The following ALDH1L1 variants were observed in gnomAD, a reference collection of about 807,000 sequenced individuals.
The protein encoded by ALDH1L1 is aldehyde dehydrogenase 1 family member L1.
In ALDH1L1, 68 loss-of-function variants were observed where a neutral mutation model predicts 101.1. The observed-to-expected ratio is 0.67, with a 90% CI of 0.55 to 0.82. The LOEUF (loss-of-function observed/expected upper bound fraction) is 0.82, where lower values mean the gene tolerates loss of function less well. Among genes scored for constraint, ALDH1L1 ranks in the 40% least tolerant of loss-of-function variants. ALDH1L1 has a pLI of 0.00. For synonymous variants in ALDH1L1, 486 were observed against 470.8 expected, an observed-to-expected ratio of 1.03 and a Z score of -0.42; for missense variants, 1,087 against 1,172.7, an observed-to-expected ratio of 0.93 and a Z score of 1.07.
intron 16 of ALDH1L1, among the ~76,000 whole-genome samples, chr3:126,119,598 G>C (rs1242154723): frequency 6.6e-5 from 10 of 152,170 alleles, no homozygotes; most frequent in Non-Finnish European, 1.2e-4. Flanking sequence ...CAGTTTGGCA[G>C]GTTTGGAATA....
chr3:126,165,069 G>C (rs186699951), intron 1 of ALDH1L1, among the ~76,000 whole-genome samples: 7 of 152,046 alleles, frequency 4.6e-5, no homozygotes, highest in Non-Finnish European at 1.0e-4. Flanking sequence ...GTTTTTTTGG[G>C]AAGTGTCTGT....
chr3:126,136,618 G>T, intron 11 of ALDH1L1, 146 bp downstream of exon 11: 1 of 1,342,592 alleles, frequency 7.4e-7, no homozygotes, highest in Non-Finnish European at 1.0e-6. Context: ...GGCTGGAAAC[G>T]ACCTGGCATT....
intron 4 of ALDH1L1, among the ~76,000 whole-genome samples, chr3:126,157,086 C>T (rs990114286): frequency 3.9e-5 from 6 of 152,224 alleles, no homozygotes; most frequent in South Asian, 2.1e-4. Flanking sequence ...GTCTATTGAA[C>T]GGGCCCCAAA....
At chr3:126,106,149 C>T (rs561248921) in intron 21 of ALDH1L1, among the ~76,000 whole-genome samples, 35 of 152,332 alleles carry the variant, frequency 2.3e-4, no homozygotes, top group South Asian at 2.1e-4. Flanking sequence ...CCTGGATCAT[C>T]GGGTGAGCCC....
At chr3:126,117,061 T>C (rs961256855) in intron 17 of ALDH1L1, among the ~76,000 whole-genome samples, 1 of 151,768 alleles carries the variant, frequency 6.6e-6, no homozygotes, top group African/African-American at 2.4e-5. Flanking sequence ...CTGGGCAACA[T>C]AGCAAAACCC....
chr3:126,176,560 CA>C (rs1319390728), intron 1 of ALDH1L1, among the ~76,000 whole-genome samples: 6 of 152,248 alleles, frequency 3.9e-5, no homozygotes, highest in African/African-American at 1.4e-4. Context: ...GACAAAGAGA[CA>C]AAGGCAAGAC....
intron 1 of ALDH1L1, among the ~76,000 whole-genome samples, chr3:126,177,504 A>G (rs549585283): frequency 6.6e-6 from 1 of 152,222 alleles, no homozygotes; most frequent in Non-Finnish European, 1.5e-5. Context: ...ACATTCTGGA[A>G]AAGGCAAAAC....
intron 9 of ALDH1L1, among the ~76,000 whole-genome samples, chr3:126,141,499 A>G (rs116195122): frequency 6.6e-6 from 1 of 152,250 alleles, no homozygotes; most frequent in African/African-American, 2.4e-5. Flanking sequence ...AACTCTTACA[A>G]AATATCTTTC....
intron 12 of ALDH1L1, among the ~76,000 whole-genome samples, chr3:126,133,388 C>T (rs2080354708): frequency 6.6e-6 from 1 of 152,190 alleles, no homozygotes; most frequent in Non-Finnish European, 1.5e-5. Context: ...TCGTCTCCTG[C>T]AACCCTACCC....
chr3:126,116,820 T>C (rs1332412071), intron 17 of ALDH1L1, among the ~76,000 whole-genome samples: 2 of 152,174 alleles, frequency 1.3e-5, no homozygotes, highest in African/African-American at 4.8e-5. Flanking sequence ...ACTGCTGTAA[T>C]GGAACTGGTG....
Position 126,136,857 on chromosome 3 carries a change from A to C in ALDH1L1, c.1251T>G (p.Thr417=). 6.2e-7 allele frequency: 1 copy of C among 1,613,082 alleles called. No homozygotes were observed. The highest frequency in any genetic ancestry group is 8.5e-7 in the Non-Finnish European group (1 of 1,179,692). ...TGAAGAGCTGGTGGGGCATGCGGAC[A>C]GTGCGCTTGTTCACTGCCATTTCCA... The part of the protein sequence containing the change: ...DYVEMAVNKR[T]VRMPHQLFIG... Residue 417 remains threonine, a synonymous_variant, in exon 11 of 23, where the codon ACT becomes ACG. Transcript: ENST00000393434.
intron 1 of ALDH1L1, among the ~76,000 whole-genome samples, chr3:126,167,016 T>A (rs1473075486): frequency 6.6e-6 from 1 of 152,240 alleles, no homozygotes. Flanking sequence ...TAATTTTTTA[T>A]ACTTAAAATA....
intron 1 of ALDH1L1, among the ~76,000 whole-genome samples, chr3:126,186,574 G>A (rs373313774): frequency 3.9e-5 from 6 of 152,336 alleles, no homozygotes; most frequent in African/African-American, 1.2e-4. Flanking sequence ...GGAGTGCAGC[G>A]TGTAGGGACT....
At chr3:126,156,680 T>G (rs4234273) in intron 4 of ALDH1L1, 1 of 152,122 alleles carries the variant, frequency 6.6e-6, no homozygotes, top group African/African-American at 2.4e-5. Context: ...TGAGCCGCCC[T>G]GCCGCTCAGG....
intron 16 of ALDH1L1, among the ~76,000 whole-genome samples, chr3:126,118,639 C>T (rs1451275668): frequency 6.6e-6 from 1 of 152,164 alleles, no homozygotes. Context: ...CCACTCCCCA[C>T]ATGGCTTTTC....
chr3:126,171,663 A>G (rs972861615), intron 1 of ALDH1L1, among the ~76,000 whole-genome samples: 1 of 152,108 alleles, frequency 6.6e-6, no homozygotes, highest in Admixed American at 6.5e-5. Context: ...TTTTTTTCTC[A>G]ACATATCTAC....
At chr3:126,180,986 G>T, upstream of ALDH1L1, 3 of 1,609,632 alleles carry the variant, frequency 1.9e-6, no homozygotes, top group Non-Finnish European at 2.5e-6. Flanking sequence ...GGACACAGCA[G>T]AGCGAAAGGA....
At chr3:126,111,884 C>A (rs569326631) in intron 19 of ALDH1L1, among the ~76,000 whole-genome samples, 17 of 152,304 alleles carry the variant, frequency 1.1e-4, no homozygotes, top group South Asian at 6.2e-4. Flanking sequence ...TTGCTCCCCC[C>A]CTGGTATCAT....
chr3:126,194,154 C>T (rs2081568345), intron 1 of ALDH1L1, among the ~76,000 whole-genome samples: 1 of 152,134 alleles, frequency 6.6e-6, no homozygotes, highest in South Asian at 2.1e-4. Flanking sequence ...CTGTGGTCTA[C>T]AGTAACTTAA....
Sources: gnomAD v4.1 joint callset for allele counts (sites outside exome capture counted in the v4.1 genomes callset) on GRCh38, gnomAD v4.1.1 for gene constraint, MANE v1.5 for transcripts, NCBI Gene and HGNC (gene_info 2026-07-23, HGNC 2026-07-21) for gene names.